The following KALRN variants were observed in gnomAD, a reference collection of about 807,000 sequenced individuals.
The protein encoded by KALRN is kalirin.
KALRN carries 70 observed loss-of-function variants against 353.7 expected under a neutral mutation model. The ratio of observed to expected loss-of-function variants is 0.20; its 90% confidence interval spans 0.16 to 0.24. The LOEUF is 0.24. Ranked by LOEUF, KALRN falls within the 10% of genes least tolerant of loss-of-function variation. The probability of loss-of-function intolerance (pLI) is 1.00; values close to 1 mark genes in which losing one functional copy is unlikely to be tolerated. For synonymous variants in KALRN, 1,391 were observed against 1,434.8 expected, an observed-to-expected ratio of 0.97 and a Z score of 0.69; for missense variants, 2,791 against 3,756.7, an observed-to-expected ratio of 0.74 and a Z score of 6.72.
chr3:124,647,872 T>C (rs1248047043), intron 37 of KALRN, among the ~76,000 whole-genome samples: 1 of 152,254 alleles, frequency 6.6e-6, no homozygotes, highest in Admixed American at 6.5e-5. Context: ...GTGTTCATTT[T>C]AAATATGGGG....
chr3:124,708,341 A>C (rs2150750417), intron 57 of KALRN, among the ~76,000 whole-genome samples: 1 of 152,352 alleles, frequency 6.6e-6, no homozygotes, highest in African/African-American at 2.4e-5. Context: ...TATCACACAA[A>C]GACTTTAAAG....
At chr3:124,259,908 TCTA>T (rs1462542088) in intron 3 of KALRN, among the ~76,000 whole-genome samples, 1 of 152,192 alleles carries the variant, frequency 6.6e-6, no homozygotes, top group Non-Finnish European at 1.5e-5. Context: ...AGACCCTTCT[TCTA>T]CTCTTACACA....
intron 3 of KALRN, among the ~76,000 whole-genome samples, chr3:124,256,720 C>T (rs185512485): frequency 6.6e-6 from 1 of 152,178 alleles, no homozygotes; most frequent in African/African-American, 2.4e-5. Context: ...CAGGAGATGA[C>T]TCTGTGGGCA....
rs76053182 is a variant in KALRN at position 124,370,749 on chromosome 3, G to A, written c.1771-14096G>A. ...ACTCTTGTCTGCACCTGATCTGGGT[G>A]CAATCATTTTGGCACCCATTGAGTG... On this transcript the variant is annotated intron_variant, in intron 10 of 59. Coordinates refer to ENST00000682506, the MANE Select transcript of KALRN (RefSeq NM_001388419.1). Among the ~76,000 whole-genome samples, 41 of 152,328 alleles carry A rather than the reference G, an allele frequency of 2.7e-4. No individual in the cohort carries two copies. In the East Asian group the frequency reaches 6.9e-3, roughly 26 times the overall value.
chr3:124,632,185 G>T (rs1439336609), intron 34 of KALRN, among the ~76,000 whole-genome samples: 3 of 152,202 alleles, frequency 2.0e-5, no homozygotes, highest in African/African-American at 7.2e-5. Context: ...AGGAGTTTCT[G>T]TCTTCTGCCC....
At chr3:124,038,454 C>A (rs1334764473) in intron 1 of KALRN, among the ~76,000 whole-genome samples, 1 of 151,964 alleles carries the variant, frequency 6.6e-6, no homozygotes, top group Non-Finnish European at 1.5e-5. Flanking sequence ...TTGGAGGTGG[C>A]AGGGAGAGAA....
chr3:124,706,672 C>T (rs1242136170), intron 57 of KALRN, among the ~76,000 whole-genome samples: 1 of 151,796 alleles, frequency 6.6e-6, no homozygotes, highest in Non-Finnish European at 1.5e-5. Context: ...CAGGTTCAAG[C>T]GATTCTCCTG....
At chr3:124,689,914 A>G (rs559809116) in intron 51 of KALRN, among the ~76,000 whole-genome samples, 1 of 152,338 alleles carries the variant, frequency 6.6e-6, no homozygotes, top group African/African-American at 2.4e-5. Context: ...TTAGCAGTTC[A>G]TGGTCAGAGA....
chr3:124,313,671 GA>G (rs1432977868), intron 6 of KALRN, among the ~76,000 whole-genome samples: 1 of 152,172 alleles, frequency 6.6e-6, no homozygotes, highest in African/African-American at 2.4e-5. Flanking sequence ...AGTCACCTGG[GA>G]AGCTTTTTAA....
intron 34 of KALRN, among the ~76,000 whole-genome samples, chr3:124,626,539 G>C (rs1459517745): frequency 6.6e-6 from 1 of 152,084 alleles, no homozygotes; most frequent in Non-Finnish European, 1.5e-5. Flanking sequence ...GTACATACCA[G>C]AACATTAGGG....
In KALRN at chr3:124,563,061, G is replaced by A. The variant is rs747827804; in HGVS notation, c.5154G>A (p.Glu1718=). The change falls in exon 34 of 60, where the codon GAG becomes GAA. Residue 1718 remains glutamate (E), a synonymous_variant. Coordinates refer to ENST00000682506, the MANE Select transcript of KALRN (RefSeq NM_001388419.1). ...LCISHSRSSV[E]MDCFFPLVKD... is the part of the protein sequence containing the mutation. Reference sequence around the variant, plus strand: ...TCTCACACTCCCGAAGCAGCGTGGAGATGGACTGCTTCTTCCCCTTGGTGA... The same window carrying A: ...TCTCACACTCCCGAAGCAGCGTGGAAATGGACTGCTTCTTCCCCTTGGTGA... 2.9e-6 allele frequency: 4 copies of A among 1,367,806 alleles called. 1 individual carries two copies. Among genetic ancestry groups the A allele is most frequent in the South Asian group, 2.3e-5 (2 of 88,044 alleles). 84.7% of individuals were successfully genotyped at this position (1,367,806 alleles called of 1,614,324 possible).
At chr3:124,190,941 T>C (rs1158829426) in intron 1 of KALRN, among the ~76,000 whole-genome samples, 2 of 152,190 alleles carry the variant, frequency 1.3e-5, no homozygotes, top group Non-Finnish European at 2.9e-5. Flanking sequence ...CAGCCCCAGG[T>C]TGTGACCTGT....
intron 6 of KALRN, 103 bp from the exon 7 acceptor site, chr3:124,325,877 C>A: frequency 1.1e-6 from 1 of 906,998 alleles, no homozygotes; most frequent in Non-Finnish European, 1.7e-6. Flanking sequence ...GTCTCTCAGA[C>A]TTTTGTTTTG....
rs79705401 is a variant in KALRN at position 124,139,245 on chromosome 3, T to G, written c.74-88745T>G. The stretch of plus-strand genomic sequence containing the variant: ...AAAGGGATTCTGATGTTGACAACAC[T>G]CTCTTTAAGTTGTTCTCCAGAGAAA... On this transcript the variant is annotated intron_variant, in intron 1 of 59. Coordinates refer to ENST00000682506, the MANE Select transcript of KALRN (RefSeq NM_001388419.1). Among the ~76,000 whole-genome samples, 60 of 152,218 alleles carry G rather than the reference T, an allele frequency of 3.9e-4. 1 individual carries two copies. The East Asian group carries it at 0.011, about 28-fold the overall frequency.
chr3:124,292,228 C>T (rs1356257058), intron 5 of KALRN, among the ~76,000 whole-genome samples: 1 of 152,146 alleles, frequency 6.6e-6, no homozygotes, highest in African/African-American at 2.4e-5. Context: ...CTCCTACTCT[C>T]TAGGACCTCT....
intron 37 of KALRN, among the ~76,000 whole-genome samples, chr3:124,642,820 T>TTTTTTTTGTTTTTG (rs2082241937): frequency 5.2e-5 from 4 of 76,320 alleles, no homozygotes; most frequent in Non-Finnish European, 1.1e-4. Flanking sequence ...TTTTTTTTTT[T>TTTTTTTTGTTTTTG]TTTTTTGAGA....
chr3:124,228,519 T>C (rs530382797), intron 2 of KALRN, among the ~76,000 whole-genome samples: 1 of 152,348 alleles, frequency 6.6e-6, no homozygotes, highest in Admixed American at 6.5e-5. Flanking sequence ...TTTTTCTGAA[T>C]AATGACTTCC....
At chr3:124,453,257 A>G (rs1470444527) in intron 21 of KALRN, among the ~76,000 whole-genome samples, 2 of 151,954 alleles carry the variant, frequency 1.3e-5, no homozygotes, top group Admixed American at 1.3e-4. Flanking sequence ...CCTCACACCT[A>G]CCTCCTTTCC....
intron 56 of KALRN, among the ~76,000 whole-genome samples, chr3:124,700,805 T>G (rs2062286671): frequency 6.6e-6 from 1 of 152,078 alleles, no homozygotes; most frequent in South Asian, 2.1e-4. Flanking sequence ...TTCTGGAGTC[T>G]CCAGAGGGGT....
Sources: gnomAD v4.1 joint callset for allele counts (sites outside exome capture counted in the v4.1 genomes callset) on GRCh38, gnomAD v4.1.1 for gene constraint, MANE v1.5 for transcripts, NCBI Gene and HGNC (gene_info 2026-07-23, HGNC 2026-07-21) for gene names.